TNFRSF8: variants seen among roughly 807,000 people sequenced by gnomAD.
TNFRSF8 encodes the protein TNF receptor superfamily member 8.
In TNFRSF8, 26 loss-of-function variants were observed where a neutral mutation model predicts 70.8. That is an observed-to-expected ratio of 0.37 (90% CI 0.27 to 0.51). The LOEUF (loss-of-function observed/expected upper bound fraction) is 0.51, where lower values mean the gene tolerates loss of function less well. TNFRSF8 is among the 20% of genes least tolerant of loss of function. TNFRSF8 has a pLI of 0.94. For missense variants in TNFRSF8, 720 were observed against 807.9 expected, an observed-to-expected ratio of 0.89 and a Z score of 1.32; for synonymous variants, 356 against 339.2, an observed-to-expected ratio of 1.05 and a Z score of -0.54.
intron 13 of TNFRSF8, among the ~76,000 whole-genome samples, chr1:12,136,888 T>A (rs1049609086): frequency 2.6e-5 from 3 of 116,390 alleles, no homozygotes; most frequent in Non-Finnish European, 3.6e-5. Flanking sequence ...TTTTTTTTTT[T>A]TTTTTTTAAT....
chr1:12,124,237 G>T (rs561926483), intron 10 of TNFRSF8, among the ~76,000 whole-genome samples: 1 of 152,108 alleles, frequency 6.6e-6, no homozygotes, highest in South Asian at 2.1e-4. Context: ...TCAAACTCCT[G>T]ACCTCAGGTG....
chr1:12,074,076 G>A (rs145762934), intron 1 of TNFRSF8, among the ~76,000 whole-genome samples: 1 of 151,920 alleles, frequency 6.6e-6, no homozygotes, highest in African/African-American at 2.4e-5. Flanking sequence ...TCATGGAGCC[G>A]GCACGGGATT....
At chr1:12,114,916 T>G (rs1180297428) in intron 7 of TNFRSF8, among the ~76,000 whole-genome samples, 1 of 151,686 alleles carries the variant, frequency 6.6e-6, no homozygotes, top group Non-Finnish European at 1.5e-5. Flanking sequence ...ACCATGTTGG[T>G]CAGGCTGGAC....
At chr1:12,064,481 A>C (rs948839759) in intron 1 of TNFRSF8, among the ~76,000 whole-genome samples, 5 of 150,682 alleles carry the variant, frequency 3.3e-5, no homozygotes, top group African/African-American at 1.0e-4. Context: ...GGACCCCTGC[A>C]TAGAACCATA....
At chr1:12,136,293 G>T (rs1171266753) in intron 13 of TNFRSF8, among the ~76,000 whole-genome samples, 2 of 152,184 alleles carry the variant, frequency 1.3e-5, no homozygotes, top group East Asian at 3.8e-4. Flanking sequence ...TCAACAATTT[G>T]TAAGGTAATC....
intron 3 of TNFRSF8, among the ~76,000 whole-genome samples, chr1:12,101,666 C>G (rs1441193474): frequency 6.7e-6 from 1 of 148,270 alleles, no homozygotes; most frequent in Non-Finnish European, 1.5e-5. Flanking sequence ...TTTTTCAGCT[C>G]CATTATAATC....
chr1:12,134,335 A>G (rs898180618), intron 12 of TNFRSF8, among the ~76,000 whole-genome samples: 12 of 152,168 alleles, frequency 7.9e-5, no homozygotes, highest in Middle Eastern at 3.2e-3. Context: ...AGGAGTGGTT[A>G]AAAGCTGGGC....
At chr1:12,131,172 A>G (rs1439426636) in intron 12 of TNFRSF8, among the ~76,000 whole-genome samples, 1 of 152,176 alleles carries the variant, frequency 6.6e-6, no homozygotes, top group Non-Finnish European at 1.5e-5. Flanking sequence ...TAAGTAGGCC[A>G]GGTGTAGTGG....
chr1:12,137,444 C>T (rs1266542405), intron 13 of TNFRSF8, among the ~76,000 whole-genome samples: 6 of 152,138 alleles, frequency 3.9e-5, no homozygotes, highest in Non-Finnish European at 8.8e-5. Flanking sequence ...CACACTCACT[C>T]CATTTTGAAG....
intron 1 of TNFRSF8, among the ~76,000 whole-genome samples, chr1:12,070,641 T>C (rs75860199): frequency 0.027 from 4,053 of 152,124 alleles, 172 homozygotes; most frequent in African/African-American, 0.089. Flanking sequence ...GCTTTCAAGC[T>C]AGAATCAACA....
chr1:12,124,883 A>AAAACAAAACAAAACAAAACAAAAC (rs1557600784), intron 10 of TNFRSF8, among the ~76,000 whole-genome samples: 2 of 131,884 alleles, frequency 1.5e-5, no homozygotes, highest in Admixed American at 1.5e-4. Context: ...CAAAACAAAC[A>AAAACAAAACAAAACAAAACAAAAC]AAACCCCCAA....
intron 4 of TNFRSF8, among the ~76,000 whole-genome samples, chr1:12,105,453 C>T (rs941488511): frequency 2.0e-5 from 3 of 152,082 alleles, no homozygotes; most frequent in East Asian, 1.9e-4. Flanking sequence ...CTTCTCACCC[C>T]GAATACCTTC....
At chr1:12,139,160 C>G (rs1275790070) in intron 14 of TNFRSF8, among the ~76,000 whole-genome samples, 1 of 152,164 alleles carries the variant, frequency 6.6e-6, no homozygotes, top group Non-Finnish European at 1.5e-5. Context: ...GACCCTATTG[C>G]ACTCCTGCCG....
intron 8 of TNFRSF8, among the ~76,000 whole-genome samples, chr1:12,118,748 C>T (rs1282246953): frequency 2.0e-5 from 3 of 152,244 alleles, no homozygotes. Flanking sequence ...TCAACGATGG[C>T]TCCGCCTTTC....
At chr1:12,100,458 A>G (rs969697607) in intron 3 of TNFRSF8, among the ~76,000 whole-genome samples, 13 of 152,164 alleles carry the variant, frequency 8.5e-5, no homozygotes, top group African/African-American at 2.9e-4. Context: ...TTGTAATAAC[A>G]CTTAGCTTAA....
intron 4 of TNFRSF8, 119 bp downstream of exon 4, chr1:12,104,650 T>C: frequency 7.8e-7 from 1 of 1,275,766 alleles, no homozygotes; most frequent in Non-Finnish European, 1.1e-6. Flanking sequence ...GTTGGACAGA[T>C]CATGTCTCCT....
rs182121732 is a variant in TNFRSF8 at position 12,092,960 on chromosome 1, C to T, written c.152-4141C>T. Among the ~76,000 whole-genome samples, 574 of 152,234 alleles carry T rather than the reference C, an allele frequency of 3.8e-3. 3 individuals are homozygous for T. The highest frequency in any genetic ancestry group is 6.2e-3 in the Admixed American group (95 of 15,284). ...AGCTGGGATTACAGGCACATGCCAC[C>T]ATGCCCTGCTAATTTTTGTATTTTT... On this transcript the variant is annotated intron_variant, in intron 2 of 14. Transcript: ENST00000263932.
intron 4 of TNFRSF8, among the ~76,000 whole-genome samples, chr1:12,107,768 T>A (rs939749138): frequency 6.6e-6 from 1 of 152,148 alleles, no homozygotes; most frequent in African/African-American, 2.4e-5. Context: ...GTTGTTGTTT[T>A]TTTTCCAGCT....
At position 12,123,787 on chromosome 1, in the gene TNFRSF8, C is replaced by G. The variant is rs149818180; in HGVS notation, c.1113C>G (p.Pro371=). The G allele has an allele frequency of 6.3e-7, 1 of 1,577,014 alleles. No homozygotes were observed. Among genetic ancestry groups the G allele is most frequent in the Non-Finnish European group, 8.6e-7 (1 of 1,160,828 alleles). The change falls in exon 10 of 15, where the codon CCC becomes CCG. Residue 371 remains proline (P), a synonymous_variant. Transcript: ENST00000263932. ...SKTLPIPTSA[P]VALSSTGKPV... is the part of the protein sequence containing the mutation. The stretch of plus-strand genomic sequence containing the variant: ...CGCTGCCCATCCCAACCAGCGCTCC[C>G]GTCGCTCTCTCCTCCACGGGGAAGC...
Sources: allele counts gnomAD v4.1 joint callset (sites outside exome capture counted in the v4.1 genomes callset), GRCh38; gene constraint gnomAD v4.1.1; transcripts MANE v1.5; gene names NCBI Gene and HGNC (gene_info 2026-07-23, HGNC 2026-07-21).